Variants in SEMA4D observed in about 807,000 individuals in gnomAD.
SEMA4D encodes semaphorin-4D.
Under a neutral mutation model 74.8 loss-of-function variants are expected in SEMA4D, and 22 were observed. The observed-to-expected ratio is 0.29, with a 90% confidence interval of 0.21 to 0.42. The LOEUF (loss-of-function observed/expected upper bound fraction) is 0.42, where lower values mean the gene tolerates loss of function less well. Among genes scored for constraint, SEMA4D ranks in the 10% least tolerant of loss-of-function variants. The pLI is 1.00. For missense variants in SEMA4D, 937 were observed against 1,118.4 expected, an observed-to-expected ratio of 0.84 and a Z score of 2.31; for synonymous variants, 445 against 463.7, an observed-to-expected ratio of 0.96 and a Z score of 0.52.
chr9:89,402,789 G>A (rs1054232505), intron 4 of SEMA4D, 82 bp downstream of exon 4: 19 of 1,489,194 alleles, frequency 1.3e-5, no homozygotes, highest in Non-Finnish European at 1.7e-5. Flanking sequence ...AGGTAAGTCA[G>A]CCCCCAGCCC....
chr9:89,377,564 C>G lies in SEMA4D; in HGVS notation c.*1140G>C, dbSNP rs1404253375. On this transcript the variant is annotated 3_prime_UTR_variant, in exon 16 of 16. Transcript: ENST00000422704. The stretch of plus-strand genomic sequence containing the variant: ...GCCGTATGCTTGAGGGTGCTGTGGT[C>G]ACAGCTCGCGGCCCCGGCCACCGAG... The G allele has an allele frequency of 6.6e-6, 1 of 152,226 alleles. No individual in the cohort carries two copies. 9.4% of individuals were successfully genotyped at this position (152,226 alleles called of 1,614,324 possible).
chr9:89,396,535 G>C (rs1841001700), intron 6 of SEMA4D, among the ~76,000 whole-genome samples: 1 of 152,274 alleles, frequency 6.6e-6, no homozygotes, highest in African/African-American at 2.4e-5. Flanking sequence ...ACTTAGAGGA[G>C]CCAAGTGGGC....
chr9:89,462,546 T>G (rs765338154), intron 1 of SEMA4D, among the ~76,000 whole-genome samples: 1 of 152,194 alleles, frequency 6.6e-6, no homozygotes, highest in Non-Finnish European at 1.5e-5. Flanking sequence ...GGGGTTGTTT[T>G]TGGCAAAATG....
Position 89,449,886 on chromosome 9 carries a change from C to T in SEMA4D, c.-244+6002G>A, listed in dbSNP as rs2135389598. The T allele has an allele frequency of 1.0e-5, 15 of 1,479,054 alleles. 1 individual carries two copies. The South Asian group carries it at 1.7e-4, about 17-fold the overall frequency. 91.6% of individuals were successfully genotyped at this position (1,479,054 alleles called of 1,614,324 possible). ...GGAAGGTGACTTGGTAAAAATTGACCTTGGGGTCCATGTGAATGGCTTCAT... is the reference window on the plus strand; with the variant it reads ...GGAAGGTGACTTGGTAAAAATTGACTTTGGGGTCCATGTGAATGGCTTCAT... On this transcript the variant is annotated intron_variant, in intron 2 of 15. Coordinates refer to ENST00000422704, the MANE Select transcript of SEMA4D (RefSeq NM_001371194.2).
At chr9:89,444,883 AAAG>A (rs1428368953) in intron 2 of SEMA4D, among the ~76,000 whole-genome samples, 1 of 152,140 alleles carries the variant, frequency 6.6e-6, no homozygotes, top group Non-Finnish European at 1.5e-5. Flanking sequence ...CAAGCAGAAG[AAAG>A]AAGATCAATA....
intron 1 of SEMA4D, among the ~76,000 whole-genome samples, chr9:89,461,104 G>C (rs978877583): frequency 1.3e-5 from 2 of 151,944 alleles, no homozygotes; most frequent in South Asian, 4.1e-4. Flanking sequence ...ACACACGAAA[G>C]AAAATGTGCA....
Position 89,387,466 on chromosome 9 carries a change from T to C in SEMA4D, c.1250A>G (p.Asp417Gly). Residue 417 changes from aspartate to glycine, a missense_variant, in exon 12 of 16, where the codon GAT becomes GGT. Physicochemically the swap from Asp to Gly is moderately conservative, Grantham distance 94. Coordinates refer to ENST00000422704, the MANE Select transcript of SEMA4D (RefSeq NM_001371194.2). Reference protein sequence around the residue: ...IDNRPRLIKKDVNYTQIVVDR... With the variant: ...IDNRPRLIKKGVNYTQIVVDR... ...CACCACGATCTGGGTGTAGTTCACA[T>C]CTTTCTTGATTAACCTGGGCCTGTT... is the stretch of plus-strand genomic sequence containing the variant. The C allele has an allele frequency of 1.2e-6, 2 of 1,614,238 alleles. No homozygotes were observed. The highest frequency in any genetic ancestry group is 1.7e-6 in the Non-Finnish European group (2 of 1,180,038).
chr9:89,414,435 C>A (rs1403703727), intron 2 of SEMA4D, among the ~76,000 whole-genome samples: 1 of 152,176 alleles, frequency 6.6e-6, no homozygotes, highest in Non-Finnish European at 1.5e-5. Context: ...ATCTTCCCTC[C>A]CAGCTGGAAG....
intron 2 of SEMA4D, among the ~76,000 whole-genome samples, chr9:89,414,932 G>A (rs1845383820): frequency 6.6e-6 from 1 of 152,224 alleles, no homozygotes; most frequent in Non-Finnish European, 1.5e-5. Context: ...AGCATGTACA[G>A]AATGGGAAAC....
At chr9:89,385,837 G>A (rs1468241611) in intron 13 of SEMA4D, 26 of 912,562 alleles carry the variant, frequency 2.8e-5, no homozygotes, top group Non-Finnish European at 3.3e-5. Context: ...CAGGGCCAGG[G>A]AGGCAGCCCC....
At chr9:89,494,997 T>A (rs1460915950) in intron 1 of SEMA4D, among the ~76,000 whole-genome samples, 2 of 152,260 alleles carry the variant, frequency 1.3e-5, no homozygotes, top group African/African-American at 4.8e-5. Context: ...CAAATGCTGA[T>A]CCAAGTGACA....
intron 1 of SEMA4D, among the ~76,000 whole-genome samples, chr9:89,458,752 C>CAT (rs1046343251): frequency 1.3e-5 from 2 of 151,542 alleles, no homozygotes; most frequent in African/African-American, 4.9e-5. Flanking sequence ...CACACACACA[C>CAT]ATATACATAT....
At chr9:89,363,603 T>A (rs1056070911) in intron 17 of SEMA4D, 3 of 1,599,904 alleles carry the variant, frequency 1.9e-6, no homozygotes, top group Non-Finnish European at 2.6e-6. Flanking sequence ...TGGCCACCTT[T>A]CTCAATGGAA....
intron 1 of SEMA4D, among the ~76,000 whole-genome samples, chr9:89,458,782 T>C (rs1276466542): frequency 6.6e-6 from 1 of 151,962 alleles, no homozygotes; most frequent in Non-Finnish European, 1.5e-5. Context: ...CAAACATGCA[T>C]GCCATATTCA....
chr9:89,485,456 C>T (rs1343954747), intron 1 of SEMA4D, among the ~76,000 whole-genome samples: 2 of 152,156 alleles, frequency 1.3e-5, no homozygotes, highest in Non-Finnish European at 1.5e-5. Context: ...CTCATTCAGA[C>T]TCCAATGGCC....
chr9:89,481,396 C>A (rs556712359), intron 1 of SEMA4D, among the ~76,000 whole-genome samples: 1 of 152,130 alleles, frequency 6.6e-6, no homozygotes, highest in Non-Finnish European at 1.5e-5. Flanking sequence ...AGGTCTGAGA[C>A]AAAATTAAAC....
At chr9:89,362,802 C>G (rs1032846192) in intron 18 of SEMA4D, among the ~76,000 whole-genome samples, 1 of 150,946 alleles carries the variant, frequency 6.6e-6, no homozygotes, top group African/African-American at 2.4e-5. Flanking sequence ...CATTTGAGTG[C>G]TGCAGACCCC....
In SEMA4D at chr9:89,447,606, C is replaced by T. The variant is rs183448366; in HGVS notation, c.-244+8282G>A. Among the ~76,000 whole-genome samples the T allele has an allele frequency of 3.8e-3, 577 of 152,294 alleles. 1 individual carries two copies. The highest frequency in any genetic ancestry group is 0.019 in the South Asian group (91 of 4,824). On this transcript the variant is annotated intron_variant, in intron 2 of 15. Transcript: ENST00000422704. ...CCACTCCTCATCGACATTGCTGCAC[C>T]GTGCCCACACCAGCACCGCTCTCCC...
At position 89,377,422 on chromosome 9, in the gene SEMA4D, A is replaced by T. The variant is rs116535523; in HGVS notation, c.*1282T>A. 253 of 169,814 alleles carry T rather than the reference A, an allele frequency of 1.5e-3. 2 individuals carry two copies. Among genetic ancestry groups the T allele is most frequent in the African/African-American group, 5.5e-3 (232 of 42,196 alleles). 10.5% of individuals were successfully genotyped at this position (169,814 alleles called of 1,614,324 possible). On this transcript the variant is annotated 3_prime_UTR_variant, in exon 16 of 16. Coordinates refer to ENST00000422704, the MANE Select transcript of SEMA4D (RefSeq NM_001371194.2). ...CATCCAGAGTTTATTGCTCTTCACCATGGAAAAAAAGTCTCTTCCCGATGG... is the reference window on the plus strand; with the variant it reads ...CATCCAGAGTTTATTGCTCTTCACCTTGGAAAAAAAGTCTCTTCCCGATGG...
Sources: gnomAD v4.1 joint callset for allele counts (sites outside exome capture counted in the v4.1 genomes callset) on GRCh38, gnomAD v4.1.1 for gene constraint, MANE v1.5 for transcripts, NCBI Gene and HGNC (gene_info 2026-07-23, HGNC 2026-07-21) for gene names.